PLPP7: variants seen among roughly 807,000 people sequenced by gnomAD.
PLPP7 encodes phospholipid phosphatase 7 (inactive), also known as inactive phospholipid phosphatase 7.
PLPP7 carries 11 observed loss-of-function variants against 16.9 expected under a neutral mutation model. The observed-to-expected ratio is 0.65, with a 90% CI of 0.41 to 1.08. The LOEUF is 1.08. PLPP7 is among the 50% of genes least tolerant of loss of function. The pLI, the probability that PLPP7 is intolerant of heterozygous loss-of-function variation, is 0.00. For synonymous variants in PLPP7, 174 were observed against 175.1 expected (o/e 0.99, Z 0.05); for missense variants, 358 against 397.1 (o/e 0.90, Z 0.84).
At chr9:131,300,559 G>C (rs1000686786) in intron 1 of PLPP7, among the ~76,000 whole-genome samples, 1 of 152,042 alleles carries the variant, frequency 6.6e-6, no homozygotes, top group African/African-American at 2.4e-5. Context: ...GCCTGTGCCT[G>C]TGGTCCCACC....
At chr9:131,291,386 A>C in intron 1 of PLPP7, 1 of 1,170,356 alleles carries the variant, frequency 8.5e-7, no homozygotes, top group African/African-American at 1.6e-5. Context: ...ATTGGGTTGG[A>C]CCACGGAGAA....
At chr9:131,300,561 G>C (rs540790428) in intron 1 of PLPP7, among the ~76,000 whole-genome samples, 11 of 151,970 alleles carry the variant, frequency 7.2e-5, no homozygotes, top group African/African-American at 2.7e-4. Context: ...CTGTGCCTGT[G>C]GTCCCACCTA....
intron 1 of PLPP7, among the ~76,000 whole-genome samples, chr9:131,305,454 T>A (rs888568517): frequency 2.3e-5 from 3 of 130,184 alleles, no homozygotes; most frequent in Non-Finnish European, 5.1e-5. Context: ...CTCAGGAGAC[T>A]GAGGGAGGAG....
chr9:131,291,207 C>A, intron 1 of PLPP7: 1 of 1,358,184 alleles, frequency 7.4e-7, no homozygotes, highest in Non-Finnish European at 9.8e-7. Flanking sequence ...TCCGGCCCAC[C>A]CTTCGGGCAC....
At chr9:131,296,515 A>G (rs1171030362) in intron 1 of PLPP7, among the ~76,000 whole-genome samples, 1 of 152,152 alleles carries the variant, frequency 6.6e-6, no homozygotes, top group Non-Finnish European at 1.5e-5. Context: ...TGGCTTCCCA[A>G]AGTGCTGGGA....
intron 1 of PLPP7, among the ~76,000 whole-genome samples, chr9:131,300,689 GAAAAAAAAAAAAA>G (rs1165239833): frequency 0.012 from 473 of 40,390 alleles, 16 homozygotes; most frequent in African/African-American, 0.039. Flanking sequence ...CTCAAAAGCA[GAAAAAAAAAAAAA>G]AAAAAAAAAA....
chr9:131,307,868 C>T lies in PLPP7; in HGVS notation c.452-55C>T. ...GAGGTGGAAATGTGGGGGGCCAGGG[C>T]CTGGGCCTGGCTGGTGGCCCTGATG... On this transcript the variant is annotated intron_variant, in intron 1 of 1. Coordinates refer to ENST00000372264, the MANE Select transcript of PLPP7 (RefSeq NM_032728.4). The T allele has an allele frequency of 2.7e-6, 4 of 1,495,724 alleles. No individual in the cohort carries two copies. The Admixed American group carries it at 6.6e-5, about 25-fold the overall frequency. The allele number at this position is 1,495,724 out of a possible 1,614,324, so 92.7% of individuals were successfully genotyped here.
rs1185845763 is a variant in PLPP7 at position 131,290,126 on chromosome 9, G to A, written c.129G>A (p.Ser43=). 9.0e-6 allele frequency: 14 copies of A among 1,553,920 alleles called. No individual in the cohort carries two copies. Among genetic ancestry groups the A allele is most frequent in the South Asian group, 2.4e-5 (2 of 82,434 alleles). The change falls in exon 1 of 2, where the codon TCG becomes TCA. Residue 43 remains serine (S), a synonymous_variant. Coordinates refer to ENST00000372264, the MANE Select transcript of PLPP7 (RefSeq NM_032728.4). This position sits in a 1 kb window ranked among gnomAD's most constrained non-coding sequence, Gnocchi z 4.2. The stretch of plus-strand genomic sequence containing the variant: ...CCCGCAGCTCGGGCAGAAAGGCCTC[G>A]GGCCCATCAGCACAGCCCCCACCTG... ...PEPRSSGRKA[S]GPSAQPPPAG... is the part of the protein sequence containing the mutation.
intron 1 of PLPP7, among the ~76,000 whole-genome samples, chr9:131,291,624 G>A (rs1334599563): frequency 6.6e-6 from 1 of 150,628 alleles, no homozygotes; most frequent in Non-Finnish European, 1.5e-5. Flanking sequence ...AAGTGCAGTG[G>A]CACGATCTTG....
At chr9:131,303,358 T>G (rs1202486945) in intron 1 of PLPP7, among the ~76,000 whole-genome samples, 5 of 144,794 alleles carry the variant, frequency 3.5e-5, no homozygotes, top group South Asian at 2.2e-4. Flanking sequence ...AAAAAAAAGC[T>G]GTGCTCTATA....
intron 1 of PLPP7, among the ~76,000 whole-genome samples, chr9:131,291,727 G>A (rs999641905): frequency 2.0e-5 from 3 of 151,838 alleles, no homozygotes; most frequent in Non-Finnish European, 2.9e-5. Flanking sequence ...GATTACAAGC[G>A]CACACCACCA....
Position 131,290,940 on chromosome 9 carries a change from G to C in PLPP7, c.451+492G>C, listed in dbSNP as rs546709496. ...TTCAGGAACCGGGAAAGCTGCCCAG[G>C]CTTCTTCCCCAGGGTCTGGGGACCC... On this transcript the variant is annotated intron_variant, in intron 1 of 1. Transcript: ENST00000372264. The surrounding 1 kb of genome is among the most constrained non-coding windows in gnomAD (Gnocchi z 4.2). 1.3e-5 allele frequency among the ~76,000 whole-genome samples: 2 copies of C among 152,250 alleles called. No homozygotes were observed. Among genetic ancestry groups the C allele is most frequent in the South Asian group, 2.1e-4 (1 of 4,828 alleles).
intron 1 of PLPP7, among the ~76,000 whole-genome samples, chr9:131,297,643 C>A (rs1015263932): frequency 6.6e-6 from 1 of 152,182 alleles, no homozygotes; most frequent in Non-Finnish European, 1.5e-5. Flanking sequence ...GCCACCGCCT[C>A]CCAAAGTGCT....
chr9:131,299,986 T>C (rs1835778788), intron 1 of PLPP7, among the ~76,000 whole-genome samples: 1 of 152,174 alleles, frequency 6.6e-6, no homozygotes, highest in Non-Finnish European at 1.5e-5. Context: ...CAGCCTGAAA[T>C]AGCCACAGCT....
intron 1 of PLPP7, chr9:131,291,466 T>C (rs1290699876): frequency 9.5e-7 from 1 of 1,058,136 alleles, no homozygotes; most frequent in East Asian, 7.2e-5. Flanking sequence ...GGAGGCTCTA[T>C]GCTCTCTGGG....
At chr9:131,302,088 G>T (rs1386566653) in intron 1 of PLPP7, among the ~76,000 whole-genome samples, 1 of 152,140 alleles carries the variant, frequency 6.6e-6, no homozygotes, top group African/African-American at 2.4e-5. Context: ...CAAAGTGCTG[G>T]AATTACAGGC....
At chr9:131,303,980 G>A (rs1835826707) in intron 1 of PLPP7, among the ~76,000 whole-genome samples, 1 of 152,158 alleles carries the variant, frequency 6.6e-6, no homozygotes, top group South Asian at 2.1e-4. Context: ...GGGCTTGCAG[G>A]AGCTGTGACC....
chr9:131,301,983 A>AT (rs1835803588), intron 1 of PLPP7, among the ~76,000 whole-genome samples: 2 of 151,470 alleles, frequency 1.3e-5, no homozygotes, highest in Admixed American at 6.6e-5. Flanking sequence ...TGCCCAGCTA[A>AT]TTTTTTTGTA....
intron 1 of PLPP7, among the ~76,000 whole-genome samples, chr9:131,294,315 T>C (rs1422703609): frequency 6.6e-6 from 1 of 152,202 alleles, no homozygotes; most frequent in Admixed American, 6.5e-5. Context: ...ATCTCCCTGA[T>C]GAATCACACA....
Sources: allele counts gnomAD v4.1 joint callset (sites outside exome capture counted in the v4.1 genomes callset), GRCh38; gene constraint gnomAD v4.1.1; non-coding constraint Gnocchi (gnomAD v3.1); transcripts MANE v1.5; gene names NCBI Gene and HGNC (gene_info 2026-07-23, HGNC 2026-07-21).